The following PDE7B variants were observed in gnomAD, a reference collection of about 807,000 sequenced individuals.
PDE7B encodes phosphodiesterase 7B.
In PDE7B, 29 loss-of-function variants were observed where a neutral mutation model predicts 56.2. The ratio of observed to expected loss-of-function variants is 0.52; its 90% CI spans 0.38 to 0.70. The LOEUF (loss-of-function observed/expected upper bound fraction) is 0.70. PDE7B is among the 30% of genes least tolerant of loss of function. The pLI is 0.00. For missense variants in PDE7B, 490 were observed against 565.0 expected, an observed-to-expected ratio of 0.87 and a Z score of 1.35; for synonymous variants, 197 against 196.9, an observed-to-expected ratio of 1.00 and a Z score of 0.00.
intron 2 of PDE7B, among the ~76,000 whole-genome samples, chr6:136,087,174 T>C (rs143274263): frequency 6.6e-6 from 1 of 152,222 alleles, no homozygotes; most frequent in Non-Finnish European, 1.5e-5. Flanking sequence ...TAATTGTTGA[T>C]TGTGGCACGG....
chr6:135,964,468 A>T (rs889403877), intron 2 of PDE7B, among the ~76,000 whole-genome samples: 3 of 152,166 alleles, frequency 2.0e-5, no homozygotes, highest in Non-Finnish European at 4.4e-5. Context: ...TCCCAAAAGT[A>T]TATAGTGTCT....
chr6:136,044,345 T>C (rs907344624), intron 2 of PDE7B: 10 of 152,162 alleles, frequency 6.6e-5, no homozygotes, highest in African/African-American at 2.4e-4. Flanking sequence ...TGTCAGCCAC[T>C]CAATACATTT....
At chr6:136,029,982 G>T (rs565441560) in intron 2 of PDE7B, among the ~76,000 whole-genome samples, 2 of 152,074 alleles carry the variant, frequency 1.3e-5, no homozygotes, top group African/African-American at 4.8e-5. Flanking sequence ...TGCCATTACC[G>T]GGGAAAACAA....
chr6:136,024,867 C>A (rs1776125493), intron 2 of PDE7B, among the ~76,000 whole-genome samples: 1 of 152,152 alleles, frequency 6.6e-6, no homozygotes, highest in African/African-American at 2.4e-5. Flanking sequence ...GTTTGACCAA[C>A]AGGTTAGAGA....
intron 2 of PDE7B, among the ~76,000 whole-genome samples, chr6:136,071,928 T>C (rs148763706): frequency 0.011 from 1,618 of 152,302 alleles, 21 homozygotes; most frequent in Middle Eastern, 0.058. Context: ...TCCATTAACA[T>C]TTTTTTCCTT....
rs138823709 is a variant in PDE7B, at chr6:136,195,216, G to A, written c.*3376G>A. 4.6e-5 allele frequency: 7 copies of A among 152,182 alleles called. No individual in the cohort carries two copies. The highest frequency in any genetic ancestry group is 4.6e-4 in the Admixed American group (7 of 15,278). 9.4% of individuals were successfully genotyped at this position (152,182 alleles called of 1,614,324 possible). A position where few individuals can be genotyped will look rare whatever the true frequency, so the allele number is the denominator to read the frequency against. On this transcript the variant is annotated 3_prime_UTR_variant, in exon 13 of 13. Coordinates refer to ENST00000308191, the MANE Select transcript of PDE7B (RefSeq NM_018945.4). ...CCCTGCTAGGCTAAGTAGAAACCAG[G>A]TTATTTCTCCCTGCTTATGGCTCCC...
intron 1 of PDE7B, among the ~76,000 whole-genome samples, chr6:135,885,663 C>T (rs1775694711): frequency 6.6e-6 from 1 of 152,026 alleles, no homozygotes; most frequent in African/African-American, 2.4e-5. Context: ...AACAAACAAG[C>T]AAAAGTAAAG....
intron 4 of PDE7B, among the ~76,000 whole-genome samples, chr6:136,148,842 C>T (rs887225855): frequency 2.6e-5 from 4 of 152,156 alleles, no homozygotes; most frequent in African/African-American, 7.2e-5. Flanking sequence ...AAAAGTCTCA[C>T]GCAATCTAAA....
chr6:135,921,898 G>A (rs377600178), intron 1 of PDE7B, among the ~76,000 whole-genome samples: 6 of 151,846 alleles, frequency 4.0e-5, no homozygotes, highest in South Asian at 2.1e-4. Context: ...CTTCCCAAAA[G>A]CATCCCCAAA....
intron 2 of PDE7B, among the ~76,000 whole-genome samples, chr6:136,041,227 A>G (rs1410896195): frequency 1.3e-5 from 2 of 152,222 alleles, no homozygotes; most frequent in African/African-American, 2.4e-5. Context: ...AGCAAAGGGC[A>G]TCATTATTTT....
chr6:135,971,181 A>G (rs1471821636), intron 2 of PDE7B, among the ~76,000 whole-genome samples: 1 of 152,176 alleles, frequency 6.6e-6, no homozygotes, highest in Non-Finnish European at 1.5e-5. Context: ...CCTTATAAAC[A>G]GGGGAAATTT....
intron 1 of PDE7B, among the ~76,000 whole-genome samples, chr6:135,907,147 C>G (rs945026672): frequency 1.3e-5 from 2 of 152,150 alleles, no homozygotes; most frequent in Admixed American, 6.5e-5. Context: ...CTAGCTACAG[C>G]TTTCTGCTGC....
intron 1 of PDE7B, among the ~76,000 whole-genome samples, chr6:135,937,551 A>G (rs957270834): frequency 5.3e-5 from 8 of 152,300 alleles, no homozygotes; most frequent in Non-Finnish European, 1.0e-4. Flanking sequence ...TTCACTGAAG[A>G]CTTGTTTAAT....
intron 2 of PDE7B, among the ~76,000 whole-genome samples, chr6:136,048,399 G>C (rs1776559172): frequency 6.6e-6 from 1 of 152,116 alleles, no homozygotes; most frequent in Admixed American, 6.5e-5. Context: ...GTGGGTGCCT[G>C]TAACCCAGCT....
At chr6:136,067,992 C>T (rs1037025574) in intron 2 of PDE7B, among the ~76,000 whole-genome samples, 3 of 152,150 alleles carry the variant, frequency 2.0e-5, no homozygotes, top group African/African-American at 7.2e-5. Flanking sequence ...AATGAAATGC[C>T]ACCTGAAAGG....
chr6:135,899,002 T>C (rs974423899), intron 1 of PDE7B, among the ~76,000 whole-genome samples: 1 of 152,086 alleles, frequency 6.6e-6, no homozygotes, highest in African/African-American at 2.4e-5. Flanking sequence ...ATCATGGGGG[T>C]GGATTCCCCC....
rs1774401330 is a variant in PDE7B at position 135,935,218 on chromosome 6, T to TTATATATATATATATATATATATA, written c.22-12245_22-12244insATATATATATATATATATATATAT. Among the ~76,000 whole-genome samples the TTATATATATATATATATATATATA allele has an allele frequency of 5.8e-5, 2 of 34,726 alleles. 1 individual carries two copies. Among genetic ancestry groups the TTATATATATATATATATATATATA allele is most frequent in the Non-Finnish European group, 1.0e-4 (2 of 19,898 alleles). 22.8% of individuals were successfully genotyped at this position (34,726 alleles called of 152,430 possible). A position where few individuals can be genotyped will look rare whatever the true frequency, so the allele number is the denominator to read the frequency against. ...TATATATATATATATATATATATAT[T>TTATATATATATATATATATATATA]TTCATGATTCTTGCTCTCCAGGAAA... is the stretch of plus-strand genomic sequence containing the variant. On this transcript the variant is annotated intron_variant, in intron 1 of 12. Transcript: ENST00000308191.
intron 2 of PDE7B, among the ~76,000 whole-genome samples, chr6:136,039,616 C>G (rs1192259342): frequency 1.3e-5 from 2 of 151,938 alleles, no homozygotes; most frequent in Non-Finnish European, 2.9e-5. Context: ...GAAGTTAATA[C>G]TCTGGGAAAA....
At chr6:136,068,938 A>G (rs1361558240) in intron 2 of PDE7B, among the ~76,000 whole-genome samples, 1 of 152,290 alleles carries the variant, frequency 6.6e-6, no homozygotes, top group East Asian at 1.9e-4. Context: ...AGGGCCTGCT[A>G]TCTCATGTTA....
Sources: allele counts gnomAD v4.1 joint callset (sites outside exome capture counted in the v4.1 genomes callset), GRCh38; gene constraint gnomAD v4.1.1; transcripts MANE v1.5; gene names NCBI Gene and HGNC (gene_info 2026-07-23, HGNC 2026-07-21).